The following LCA5L variants were observed in gnomAD, a reference collection of about 807,000 sequenced individuals.
LCA5L encodes lebercilin LCA5 like.
In LCA5L, 35 loss-of-function variants were observed where a neutral mutation model predicts 45.4. The observed-to-expected ratio is 0.77, with a 90% CI of 0.59 to 1.02. The LOEUF (loss-of-function observed/expected upper bound fraction) is 1.02. Ranked by LOEUF, LCA5L falls within the 50% of genes least tolerant of loss-of-function variation. LCA5L has a pLI of 0.00. For missense variants in LCA5L, 668 were observed against 761.6 expected (o/e 0.88, Z 1.45); for synonymous variants, 233 against 264.7 (o/e 0.88, Z 1.16).
intron 1 of LCA5L, among the ~76,000 whole-genome samples, chr21:39,444,952 T>A (rs2077290164): frequency 6.6e-6 from 1 of 151,914 alleles, no homozygotes; most frequent in Admixed American, 6.6e-5. Flanking sequence ...AATGCAGGGA[T>A]CTGGTGTTCA....
intron 3 of LCA5L, 74 bp from the exon 4 acceptor site, chr21:39,429,285 C>T (rs2075385693): frequency 6.6e-6 from 1 of 152,190 alleles, no homozygotes; most frequent in African/African-American, 2.4e-5. Context: ...ATATCACTTT[C>T]TCTACTGAGA....
intron 3 of LCA5L, among the ~76,000 whole-genome samples, chr21:39,432,117 T>C (rs1200112527): frequency 1.3e-5 from 2 of 152,258 alleles, no homozygotes; most frequent in Admixed American, 1.3e-4. Context: ...TTAGATGCTA[T>C]ATTCTTTTGA....
chr21:39,414,734 C>G lies in LCA5L; in HGVS notation c.976-2932G>C, dbSNP rs1193803006. Reference sequence around the variant, plus strand: ...TCTCCCTCTCTCTCTCTCTCTCTCTCTCTCTCTCTGTGTGTGTGTGTGTGT... The same window carrying G: ...TCTCCCTCTCTCTCTCTCTCTCTCTGTCTCTCTCTGTGTGTGTGTGTGTGT... On this transcript the variant is annotated intron_variant, in intron 7 of 10. Coordinates refer to ENST00000288350, the MANE Select transcript of LCA5L (RefSeq NM_152505.4). Among the ~76,000 whole-genome samples, 319 of 103,198 alleles carry G rather than the reference C, an allele frequency of 3.1e-3. 2 individuals carry two copies. The highest frequency in any genetic ancestry group is 0.011 in the African/African-American group (280 of 24,424). The allele number at this position is 103,198 out of a possible 152,430, so 67.7% of individuals were successfully genotyped here. A position where few individuals can be genotyped will look rare whatever the true frequency, so the allele number is the denominator to read the frequency against.
At position 39,445,708 on chromosome 21, in the gene LCA5L, A is replaced by T. The variant is rs2077421198; in HGVS notation, c.-313+17T>A. The T allele has an allele frequency of 6.6e-6, 1 of 152,358 alleles. No homozygotes were observed. The highest frequency in any genetic ancestry group is 2.4e-5 in the African/African-American group (1 of 41,464). The allele number at this position is 152,358 out of a possible 1,614,324, so 9.4% of individuals were successfully genotyped here. On this transcript the variant is annotated intron_variant, in intron 1 of 10. Coordinates refer to ENST00000288350, the MANE Select transcript of LCA5L (RefSeq NM_152505.4). Reference sequence around the variant, plus strand: ...GTAACCGGCTGAGGGGGACGACGGCAGCAGCGGGGCCGTTACCTGCTCCGC... The same window carrying T: ...GTAACCGGCTGAGGGGGACGACGGCTGCAGCGGGGCCGTTACCTGCTCCGC...
intron 8 of LCA5L, chr21:39,411,212 AG>A (rs1165873894): frequency 1.2e-5 from 3 of 258,970 alleles, no homozygotes; most frequent in Non-Finnish European, 2.3e-5. Context: ...GCCTCGGGTG[AG>A]GTAGGGGACT....
intron 2 of LCA5L, among the ~76,000 whole-genome samples, chr21:39,441,248 G>C (rs2076823314): frequency 6.6e-6 from 1 of 152,214 alleles, no homozygotes; most frequent in African/African-American, 2.4e-5. Flanking sequence ...CAGTGATGCA[G>C]TGAGCTGTGA....
In LCA5L at chr21:39,410,383, A is replaced by G. The variant is rs1257658863; in HGVS notation, c.1061-16T>C. The G allele has an allele frequency of 7.5e-7, 1 of 1,326,830 alleles. No homozygotes were observed. The highest frequency in any genetic ancestry group is 1.1e-6 in the Non-Finnish European group (1 of 939,966). The allele number at this position is 1,326,830 out of a possible 1,614,324, so 82.2% of individuals were successfully genotyped here. A position where few individuals can be genotyped will look rare whatever the true frequency, so the allele number is the denominator to read the frequency against. The stretch of plus-strand genomic sequence containing the variant: ...GTTGAAGAAACTATGGAACAGGTAG[A>G]TTATATGTAAGAAACATATTTTACA... On this transcript the variant is annotated splice_polypyrimidine_tract_variant and intron_variant, in intron 8 of 10. Coordinates refer to ENST00000288350, the MANE Select transcript of LCA5L (RefSeq NM_152505.4).
chr21:39,430,695 A>AT (rs2075620452), intron 3 of LCA5L, among the ~76,000 whole-genome samples: 1 of 152,140 alleles, frequency 6.6e-6, no homozygotes. Context: ...CTAAGTAATC[A>AT]TTTCTAAGCT....
intron 5 of LCA5L, among the ~76,000 whole-genome samples, chr21:39,424,027 T>C (rs1384906774): frequency 6.6e-6 from 1 of 152,132 alleles, no homozygotes; most frequent in Admixed American, 6.6e-5. Flanking sequence ...TTTTATTTTT[T>C]TTTGAGATGG....
rs56725659 is a variant in LCA5L, at chr21:39,417,348, GTTTT to G, written c.975+3354_975+3357del. Among the ~76,000 whole-genome samples the G allele has an allele frequency of 2.6e-5, 4 of 151,864 alleles. No homozygotes were observed. The East Asian group carries it at 7.7e-4, about 29-fold the overall frequency. The stretch of plus-strand genomic sequence containing the variant: ...AGCCACTGTACCCAGCTGCTTTTTA[GTTTT>G]TTTTACGTTTAATTCTGCTTTGTAC... On this transcript the variant is annotated intron_variant, in intron 7 of 10. Coordinates refer to ENST00000288350, the MANE Select transcript of LCA5L (RefSeq NM_152505.4).
intron 2 of LCA5L, among the ~76,000 whole-genome samples, chr21:39,442,508 G>A (rs2076970898): frequency 6.6e-6 from 1 of 152,160 alleles, no homozygotes; most frequent in Non-Finnish European, 1.5e-5. Context: ...GGAATGTGGG[G>A]AGACAAGCTG....
intron 3 of LCA5L, among the ~76,000 whole-genome samples, chr21:39,431,428 T>C: frequency 6.6e-6 from 1 of 152,066 alleles, no homozygotes; most frequent in East Asian, 1.9e-4. Context: ...AGGGATCTAG[T>C]TTCCTCAGGA....
At chr21:39,430,723 T>A (rs2075624228) in intron 3 of LCA5L, among the ~76,000 whole-genome samples, 2 of 152,170 alleles carry the variant, frequency 1.3e-5, no homozygotes, top group African/African-American at 2.4e-5. Flanking sequence ...CCGTGGGCTC[T>A]GACTGACACC....
intron 2 of LCA5L, among the ~76,000 whole-genome samples, chr21:39,440,713 C>T (rs2076753072): frequency 6.6e-6 from 1 of 152,140 alleles, no homozygotes; most frequent in Non-Finnish European, 1.5e-5. Flanking sequence ...TGTCCATGGG[C>T]ACTTGAGAAG....
intron 5 of LCA5L, among the ~76,000 whole-genome samples, chr21:39,426,257 A>G (rs2074684979): frequency 6.6e-6 from 1 of 152,126 alleles, no homozygotes; most frequent in Non-Finnish European, 1.5e-5. Flanking sequence ...ACAAATTCAT[A>G]CTGTATCCAT....
chr21:39,428,529 TA>T, intron 4 of LCA5L, 26 bp from the exon 5 acceptor site: 1 of 1,247,076 alleles, frequency 8.0e-7, no homozygotes, highest in Non-Finnish European at 1.1e-6. Flanking sequence ...TAAAACCTAA[TA>T]AAAGTATTTT....
intron 7 of LCA5L, among the ~76,000 whole-genome samples, chr21:39,419,048 A>G (rs2041810741): frequency 6.6e-6 from 1 of 152,058 alleles, no homozygotes. Context: ...TTCTTTACAA[A>G]GGGAAAATTT....
intron 10 of LCA5L, 167 bp from the exon 11 acceptor site, chr21:39,406,779 TAAC>T (rs1381332899): frequency 1.8e-6 from 1 of 561,226 alleles, no homozygotes; most frequent in African/African-American, 1.9e-5. Flanking sequence ...AAGGTGCTAT[TAAC>T]AAATGTGTTA....
chr21:39,420,655 A>AT, intron 7 of LCA5L, 51 bp downstream of exon 7: 2 of 1,500,786 alleles, frequency 1.3e-6, no homozygotes, highest in Non-Finnish European at 1.8e-6. Flanking sequence ...AATAGCTCAT[A>AT]TATTTCGGGA....
Sources: gnomAD v4.1 joint callset for allele counts (sites outside exome capture counted in the v4.1 genomes callset) on GRCh38, gnomAD v4.1.1 for gene constraint, MANE v1.5 for transcripts, NCBI Gene and HGNC (gene_info 2026-07-23, HGNC 2026-07-21) for gene names.